Variants in STAT4 observed in about 807,000 individuals in gnomAD.
STAT4 encodes signal transducer and activator of transcription 4.
In STAT4, 42 loss-of-function variants were observed where a neutral mutation model predicts 110.5. The observed-to-expected ratio is 0.38, with a 90% confidence interval of 0.30 to 0.49. The LOEUF (loss-of-function observed/expected upper bound fraction) is 0.49. Ranked by LOEUF, STAT4 falls within the 20% of genes least tolerant of loss-of-function variation. The pLI is 0.95. For synonymous variants in STAT4, 284 were observed against 302.2 expected, an observed-to-expected ratio of 0.94 and a Z score of 0.63; for missense variants, 632 against 887.9, an observed-to-expected ratio of 0.71 and a Z score of 3.66.
At position 191,058,729 on chromosome 2, in the gene STAT4, C is replaced by G; in HGVS notation, c.1075G>C (p.Val359Leu). ...KLPELNYQVK[V>L]KASIDKNVST... ...ACTTACTTGTCAATTGATGCCTTAA[C>G]CTTTACCTGATAGTTTAGTTCTGGC... Residue 359 changes from valine (V) to leucine (L), a missense_variant, in exon 11 of 24, where the codon GTT becomes CTT. This residue lies in a region of STAT4 where 488 missense variants were observed against 632.8 expected (regional missense o/e 0.77). Transcript: ENST00000392320. This position sits in a 1 kb window ranked among gnomAD's most constrained non-coding sequence, Gnocchi z 4.3. 2 of 1,593,580 alleles carry G rather than the reference C, an allele frequency of 1.3e-6. No homozygotes were observed. Among genetic ancestry groups the G allele is most frequent in the Non-Finnish European group, 1.7e-6 (2 of 1,169,214 alleles).
At position 191,131,863 on chromosome 2, in the gene STAT4, C is replaced by A. The variant is rs6717352; in HGVS notation, c.273+14750G>T. 3,141 of 1,460,534 alleles carry A rather than the reference C, an allele frequency of 2.2e-3. 191 individuals are homozygous for A. In the African/African-American group the frequency reaches 0.043, roughly 20 times the overall value. The allele number at this position is 1,460,534 out of a possible 1,614,324, so 90.5% of individuals were successfully genotyped here. Reference sequence around the variant, plus strand: ...CCTTTGAATGCAGGTTTCTCCATGTCGATCCAAGGGCAGCTGTGCTGTAGC... The same window carrying A: ...CCTTTGAATGCAGGTTTCTCCATGTAGATCCAAGGGCAGCTGTGCTGTAGC... On this transcript the variant is annotated intron_variant, in intron 3 of 23. Coordinates refer to ENST00000392320, the MANE Select transcript of STAT4 (RefSeq NM_003151.4).
At chr2:191,098,854 A>G (rs891471866) in intron 3 of STAT4, among the ~76,000 whole-genome samples, 2 of 152,212 alleles carry the variant, frequency 1.3e-5, no homozygotes, top group Admixed American at 1.3e-4. Context: ...AAACTATACA[A>G]AAAAGATGCA....
chr2:191,057,581 CTT>C (rs56816363), intron 13 of STAT4, among the ~76,000 whole-genome samples: 124 of 121,302 alleles, frequency 1.0e-3, no homozygotes, highest in Middle Eastern at 4.3e-3. Flanking sequence ...AATTTCTTTT[CTT>C]TTTTTTTTTT....
chr2:191,058,689 A>G lies in STAT4; in HGVS notation c.1094+21T>C. On this transcript the variant is annotated intron_variant, in intron 11 of 23. Transcript: ENST00000392320. The surrounding 1 kb of genome is among the most constrained non-coding windows in gnomAD (Gnocchi z 4.3). ...GTCTTACATTTGGAATTGTAATTCAAAACGAAATTAGAAAACTTACTTGTC... is the reference window on the plus strand; with the variant it reads ...GTCTTACATTTGGAATTGTAATTCAGAACGAAATTAGAAAACTTACTTGTC... 1 of 1,521,388 alleles carries G rather than the reference A, an allele frequency of 6.6e-7. No individual in the cohort carries two copies. Among genetic ancestry groups the G allele is most frequent in the Non-Finnish European group, 9.0e-7 (1 of 1,114,464 alleles). 94.2% of individuals were successfully genotyped at this position (1,521,388 alleles called of 1,614,324 possible).
At chr2:191,065,308 G>T (rs530913575) in intron 7 of STAT4, among the ~76,000 whole-genome samples, 4 of 152,214 alleles carry the variant, frequency 2.6e-5, no homozygotes, top group Admixed American at 1.3e-4. Context: ...TTTTAATAAA[G>T]ATGGTTATTC....
In STAT4 at chr2:191,033,034, G is replaced by A. The variant is rs1029286687; in HGVS notation, c.1968C>T (p.Asn656=). 10 of 1,614,094 alleles carry A rather than the reference G, an allele frequency of 6.2e-6. No homozygotes were observed. Among genetic ancestry groups the A allele is most frequent in the African/African-American group, 2.7e-5 (2 of 74,936 alleles). The change falls in exon 21 of 24, where the codon AAC becomes AAT. Residue 656 remains asparagine, a synonymous_variant. Transcript: ENST00000392320. The surrounding 1 kb of genome is among the most constrained non-coding windows in gnomAD (Gnocchi z 6.9). ...TGTCAGGATATAGGTACTTCAGAGG[G>A]TTTTCAGGAATGTTTTCAGCCATAA... The part of the protein sequence containing the change: ...KVIMAENIPE[N]PLKYLYPDIP...
At position 191,032,310 on chromosome 2, in the gene STAT4, A is replaced by C. The variant is rs567606626; in HGVS notation, c.2044+648T>G. The C allele has an allele frequency of 2.2e-4, 33 of 152,358 alleles. No individual in the cohort carries two copies. Among genetic ancestry groups the C allele is most frequent in the African/African-American group, 7.9e-4 (33 of 41,554 alleles). The allele number at this position is 152,358 out of a possible 1,614,324, so 9.4% of individuals were successfully genotyped here. On this transcript the variant is annotated intron_variant, in intron 21 of 23. Coordinates refer to ENST00000392320, the MANE Select transcript of STAT4 (RefSeq NM_003151.4). The surrounding 1 kb of genome is among the most constrained non-coding windows in gnomAD (Gnocchi z 4.9). The stretch of plus-strand genomic sequence containing the variant: ...TTTCATTAAAGAAACAGAATGGTGA[A>C]CGTACCTTAAAATTGCATAGTAATT...
chr2:191,108,199 G>A (rs1698332978), intron 3 of STAT4, among the ~76,000 whole-genome samples: 1 of 151,800 alleles, frequency 6.6e-6, no homozygotes. Flanking sequence ...GTTGAGAGAG[G>A]AGAATCTGTT....
chr2:191,055,122 A>C (rs1245452118), intron 13 of STAT4, among the ~76,000 whole-genome samples: 5 of 152,188 alleles, frequency 3.3e-5, no homozygotes, highest in African/African-American at 1.2e-4. Flanking sequence ...TAGAAAAAAG[A>C]ATGAAATTAT....
chr2:191,062,920 G>T lies in STAT4; in HGVS notation c.783C>A (p.Cys261Ter). Residue 261 changes from cysteine to a stop codon, truncating the protein, a stop_gained and splice_region_variant, in exon 9 of 24, where the codon TGC becomes TGA. Transcript: ENST00000392320. LOFTEE classifies it high-confidence loss of function. The surrounding 1 kb of genome is among the most constrained non-coding windows in gnomAD (Gnocchi z 4.9). The stretch of plus-strand genomic sequence containing the variant: ...AAAGACTTTCTGCCAATAGTGTAAA[G>T]CTATTGAACAGAAAATGAAAATCAA... Reference protein sequence around the residue: ...LHNGLDQLQNCFTLLAESLFQ... With the variant: ...LHNGLDQLQN The T allele has an allele frequency of 6.2e-7, 1 of 1,606,790 alleles. No individual in the cohort carries two copies. The highest frequency in any genetic ancestry group is 1.1e-5 in the South Asian group (1 of 89,614).
intron 3 of STAT4, among the ~76,000 whole-genome samples, chr2:191,129,754 T>A (rs888311089): frequency 2.6e-5 from 4 of 152,258 alleles, no homozygotes; most frequent in Admixed American, 2.6e-4. Context: ...ACACAATAAG[T>A]CTCAGATTTC....
intron 3 of STAT4, among the ~76,000 whole-genome samples, chr2:191,089,896 G>C (rs893982858): frequency 2.6e-5 from 4 of 152,148 alleles, no homozygotes; most frequent in African/African-American, 9.7e-5. Context: ...CCAGGAGTTA[G>C]AAGAAAGAGA....
intron 13 of STAT4, among the ~76,000 whole-genome samples, chr2:191,055,365 ATTTTTTTTTTT>A (rs371295889): frequency 2.1e-5 from 2 of 96,956 alleles, no homozygotes; most frequent in African/African-American, 8.1e-5. Context: ...AGCCTGGCTA[ATTTTTTTTTTT>A]TTTTTTTTTT....
chr2:191,121,052 A>C (rs1363486788), intron 3 of STAT4, among the ~76,000 whole-genome samples: 1 of 152,242 alleles, frequency 6.6e-6, no homozygotes, highest in Admixed American at 6.5e-5. Context: ...CAGAATCTAC[A>C]AAGAACTCAA....
At chr2:191,114,124 G>C (rs1018423834) in intron 3 of STAT4, among the ~76,000 whole-genome samples, 3 of 152,158 alleles carry the variant, frequency 2.0e-5, no homozygotes, top group Admixed American at 1.3e-4. Context: ...TTGTGGTAGA[G>C]ACAGGAATAA....
In STAT4 at chr2:191,062,803, C is replaced by A. The variant is rs1696887309; in HGVS notation, c.900G>T (p.Met300Ile). Residue 300 changes from methionine to isoleucine, a missense_variant, in exon 9 of 24, where the codon ATG (methionine) becomes ATT (isoleucine). Around this residue, in one of 4 missense-constraint regions of STAT4, gnomAD observed 488 missense variants for 632.8 expected, o/e 0.77. Transcript: ENST00000392320. The surrounding 1 kb of genome is among the most constrained non-coding windows in gnomAD (Gnocchi z 4.9). ...GDPIPMQRTHMLERVTFLIYN... is the reference protein window; with the variant it reads ...GDPIPMQRTHILERVTFLIYN... ...AGATCAAGAAGGTGACTCTTTCTAG[C>A]ATGTGAGTTCTTTGCATTGGAATGG... 1 of 1,613,738 alleles carries A rather than the reference C, an allele frequency of 6.2e-7. No individual in the cohort carries two copies. The highest frequency in any genetic ancestry group is 8.5e-7 in the Non-Finnish European group (1 of 1,179,878).
chr2:191,145,554 T>C (rs1266508660), intron 3 of STAT4, among the ~76,000 whole-genome samples: 1 of 152,236 alleles, frequency 6.6e-6, no homozygotes, highest in African/African-American at 2.4e-5. Flanking sequence ...GTCGGCAATA[T>C]GCTATTGTCC....
rs1697349512 is a variant in STAT4 at position 191,077,506 on chromosome 2, G to T, written c.274-1181C>A. Among the ~76,000 whole-genome samples the T allele has an allele frequency of 6.6e-6, 1 of 151,940 alleles. No individual in the cohort carries two copies. The highest frequency in any genetic ancestry group is 2.1e-4 in the South Asian group (1 of 4,828). On this transcript the variant is annotated intron_variant, in intron 3 of 23. Transcript: ENST00000392320. The surrounding 1 kb of genome is among the most constrained non-coding windows in gnomAD (Gnocchi z 4.1). ...CAGCCCTCCTCCCTGAAGCTGGTGT[G>T]AATATATATGAAATGACCAAAAGGT...
rs1193226178 is a variant in STAT4, at chr2:191,033,060, T to C, written c.1942A>G (p.Ile648Val). 6.2e-7 allele frequency: 1 copy of C among 1,614,102 alleles called. No homozygotes were observed. The highest frequency in any genetic ancestry group is 1.3e-5 in the African/African-American group (1 of 74,946). Residue 648 changes from isoleucine to valine, a missense_variant, in exon 21 of 24, where the codon ATT becomes GTT. Physicochemically the swap from Ile to Val is conservative, Grantham distance 29. Transcript: ENST00000392320. This position sits in a 1 kb window ranked among gnomAD's most constrained non-coding sequence, Gnocchi z 6.9. ...FADILRDYKVIMAENIPENPL... is the reference protein window; with the variant it reads ...FADILRDYKVVMAENIPENPL... ...TTTTCAGGAATGTTTTCAGCCATAATAACTTTGTAGTCTCGCAGGATGTCA... is the reference window on the plus strand; with the variant it reads ...TTTTCAGGAATGTTTTCAGCCATAACAACTTTGTAGTCTCGCAGGATGTCA...
Sources: allele counts gnomAD v4.1 joint callset (sites outside exome capture counted in the v4.1 genomes callset), GRCh38; gene constraint gnomAD v4.1.1; regional missense constraint gnomAD v4.1.1; non-coding constraint Gnocchi (gnomAD v3.1); transcripts MANE v1.5; gene names NCBI Gene and HGNC (gene_info 2026-07-23, HGNC 2026-07-21).